Variants in HMOX2 observed in about 807,000 individuals in gnomAD.
HMOX2 encodes the protein heme oxygenase 2, also known as heme oxygenase (decycling) 2.
HMOX2 carries 30 observed loss-of-function variants against 33.7 expected under a neutral mutation model. The observed-to-expected ratio is 0.89, with a 90% CI of 0.67 to 1.21. The LOEUF (loss-of-function observed/expected upper bound fraction) is 1.21. Among genes scored for constraint, HMOX2 ranks in the 50% most tolerant of loss-of-function variants. The pLI is 0.00. For synonymous variants in HMOX2, 155 were observed against 155.0 expected (o/e 1.00, Z 0.00); for missense variants, 403 against 399.1 (o/e 1.01, Z -0.08).
intron 1 of HMOX2, among the ~76,000 whole-genome samples, chr16:4,490,749 A>G (rs2058285122): frequency 6.6e-6 from 1 of 152,194 alleles, no homozygotes; most frequent in Admixed American, 6.5e-5. Flanking sequence ...TATAAGGGAT[A>G]TTTGATAAAG....
intron 1 of HMOX2, among the ~76,000 whole-genome samples, chr16:4,489,540 G>T (rs142244237): frequency 6.4e-4 from 97 of 152,262 alleles, no homozygotes; most frequent in African/African-American, 2.2e-3. Flanking sequence ...GCTCACTGCA[G>T]CCGCCACCCC....
In HMOX2 at chr16:4,507,835, G is replaced by A. The variant is rs1289860512; in HGVS notation, c.327G>A (p.Leu109=). 2.5e-6 allele frequency: 4 copies of A among 1,614,096 alleles called. No homozygotes were observed. Among genetic ancestry groups the A allele is most frequent in the African/African-American group, 2.7e-5 (2 of 74,928 alleles). The stretch of plus-strand genomic sequence containing the variant: ...TGGAGCTGCACCGGAAGGAGGCGCT[G>A]ACCAAGGACATGGAGTATTTCTTTG... ...FPMELHRKEA[L]TKDMEYFFGE... Residue 109 remains leucine, a synonymous_variant, in exon 4 of 6, where the codon CTG becomes CTA. Coordinates refer to ENST00000570646, the MANE Select transcript of HMOX2 (RefSeq NM_002134.4).
At chr16:4,489,187 A>G (rs1057268889) in intron 1 of HMOX2, among the ~76,000 whole-genome samples, 2 of 152,182 alleles carry the variant, frequency 1.3e-5, no homozygotes, top group Admixed American at 6.5e-5. Flanking sequence ...TTTAAGACCA[A>G]TGTAATGCAG....
At chr16:4,497,976 T>C (rs2058463360) in intron 1 of HMOX2, among the ~76,000 whole-genome samples, 1 of 152,136 alleles carries the variant, frequency 6.6e-6, no homozygotes, top group Non-Finnish European at 1.5e-5. Context: ...GCCTGCCTTC[T>C]TGCCCAAATG....
At chr16:4,493,187 C>T (rs1204807259) in intron 1 of HMOX2, among the ~76,000 whole-genome samples, 1 of 152,036 alleles carries the variant, frequency 6.6e-6, no homozygotes, top group East Asian at 1.9e-4. Flanking sequence ...CTGCATGCCA[C>T]TCCCTCCACC....
At chr16:4,483,922 C>G (rs954236611) in intron 1 of HMOX2, among the ~76,000 whole-genome samples, 1 of 150,886 alleles carries the variant, frequency 6.6e-6, no homozygotes, top group Non-Finnish European at 1.5e-5. Context: ...TCAAATTTAT[C>G]TCTGTATCTT....
chr16:4,488,127 CAAAAAAAAAA>C (rs60429116), intron 1 of HMOX2, among the ~76,000 whole-genome samples: 2 of 69,304 alleles, frequency 2.9e-5, no homozygotes, highest in Non-Finnish European at 7.2e-5. Flanking sequence ...AACTCCATCT[CAAAAAAAAAA>C]AAAAAAAAAA....
Position 4,501,636 on chromosome 16 carries a change from G to T in HMOX2, c.-41-3848G>T, listed in dbSNP as rs191206621. Among the ~76,000 whole-genome samples the T allele has an allele frequency of 3.3e-5, 5 of 152,220 alleles. No homozygotes were observed. In the East Asian group the frequency reaches 9.6e-4, roughly 29 times the overall value. ...GATATTAGACATTGAAGTCTAAAAA[G>T]GTTCTATATTTATGATTTGGCCCTC... is the stretch of plus-strand genomic sequence containing the variant. On this transcript the variant is annotated intron_variant, in intron 1 of 5. Coordinates refer to ENST00000570646, the MANE Select transcript of HMOX2 (RefSeq NM_002134.4).
intron 1 of HMOX2, among the ~76,000 whole-genome samples, chr16:4,483,468 A>C (rs2058083905): frequency 6.6e-6 from 1 of 152,070 alleles, no homozygotes; most frequent in South Asian, 2.1e-4. Context: ...AGGAAATTAC[A>C]AAAGTTTTAG....
intron 1 of HMOX2, among the ~76,000 whole-genome samples, chr16:4,477,320 G>A (rs921222400): frequency 6.6e-6 from 1 of 151,498 alleles, no homozygotes; most frequent in African/African-American, 2.4e-5. Flanking sequence ...CCAACATAGT[G>A]AAACCCCGTC....
At chr16:4,484,532 C>T (rs1251536547) in intron 1 of HMOX2, among the ~76,000 whole-genome samples, 1 of 147,508 alleles carries the variant, frequency 6.8e-6, no homozygotes, top group African/African-American at 2.5e-5. Flanking sequence ...ACGATTTCGG[C>T]TCACTGCAAT....
At chr16:4,488,023 T>C (rs1306599998) in intron 1 of HMOX2, among the ~76,000 whole-genome samples, 2 of 145,690 alleles carry the variant, frequency 1.4e-5, no homozygotes, top group Non-Finnish European at 3.0e-5. Context: ...CTCAGGAGGC[T>C]GAGGCAGGAG....
intron 1 of HMOX2, chr16:4,503,104 C>A (rs1045962367): frequency 6.6e-6 from 1 of 151,980 alleles, no homozygotes; most frequent in Non-Finnish European, 1.5e-5. Context: ...CGTGAGCCAC[C>A]GCGCCCGGCT....
intron 1 of HMOX2, among the ~76,000 whole-genome samples, chr16:4,493,092 A>G (rs1448752272): frequency 3.9e-5 from 6 of 152,238 alleles, no homozygotes; most frequent in Non-Finnish European, 8.8e-5. Context: ...GGAATTCAGT[A>G]GTTCAGTCAT....
intron 1 of HMOX2, among the ~76,000 whole-genome samples, chr16:4,486,792 T>A (rs1442927798): frequency 6.6e-6 from 1 of 152,202 alleles, no homozygotes; most frequent in Non-Finnish European, 1.5e-5. Flanking sequence ...TAATTGAATA[T>A]CTTATGTCTC....
intron 1 of HMOX2, among the ~76,000 whole-genome samples, chr16:4,489,557 C>T (rs1021515048): frequency 1.3e-5 from 2 of 152,152 alleles, no homozygotes; most frequent in South Asian, 4.1e-4. Flanking sequence ...CCCCCAGGGT[C>T]AAGTGATACT....
At chr16:4,498,521 T>C (rs1480584857) in intron 1 of HMOX2, among the ~76,000 whole-genome samples, 2 of 152,078 alleles carry the variant, frequency 1.3e-5, no homozygotes, top group East Asian at 3.9e-4. Flanking sequence ...ACTACAGGTG[T>C]GTGTCACCAC....
At chr16:4,475,170 C>T (rs1326316832), upstream of HMOX2, among the ~76,000 whole-genome samples, 11 of 151,770 alleles carry the variant, frequency 7.2e-5, no homozygotes, top group South Asian at 2.1e-4. Flanking sequence ...CCAGGCAGGT[C>T]TCGAACTCCT....
intron 1 of HMOX2, among the ~76,000 whole-genome samples, chr16:4,479,005 A>G (rs1393898216): frequency 6.6e-6 from 1 of 151,800 alleles, no homozygotes; most frequent in Non-Finnish European, 1.5e-5. Flanking sequence ...AAATACAAAA[A>G]TTAGCCTTGC....
Sources: allele counts gnomAD v4.1 joint callset (sites outside exome capture counted in the v4.1 genomes callset), GRCh38; gene constraint gnomAD v4.1.1; transcripts MANE v1.5; gene names NCBI Gene and HGNC (gene_info 2026-07-23, HGNC 2026-07-21).